Variants in ADAM23 observed in about 807,000 individuals in gnomAD.
The protein encoded by ADAM23 is ADAM metallopeptidase domain 23, also known as disintegrin and metalloproteinase domain-containing protein 23.
A neutral mutation model predicts 120.1 loss-of-function variants in ADAM23; 33 were observed. The observed-to-expected ratio is 0.27, with a 90% CI of 0.21 to 0.37. The LOEUF (loss-of-function observed/expected upper bound fraction) is 0.37, where lower values mean the gene tolerates loss of function less well. Among genes scored for constraint, ADAM23 ranks in the 10% least tolerant of loss-of-function variants. The pLI is 1.00. For missense variants in ADAM23, 862 were observed against 1,058.2 expected, an observed-to-expected ratio of 0.81 and a Z score of 2.57; for synonymous variants, 367 against 375.2, an observed-to-expected ratio of 0.98 and a Z score of 0.25.
At chr2:206,444,998 ACCC>A (rs10557523) in intron 1 of ADAM23, among the ~76,000 whole-genome samples, 304 of 146,002 alleles carry the variant, frequency 2.1e-3, no homozygotes, top group Non-Finnish European at 3.4e-3. Flanking sequence ...AGTTCATTCT[ACCC>A]CCCCCCCAAC....
chr2:206,545,972 G>A (rs1366043726), intron 6 of ADAM23, among the ~76,000 whole-genome samples: 1 of 151,990 alleles, frequency 6.6e-6, no homozygotes, highest in African/African-American at 2.4e-5. Context: ...TTCATAGTAG[G>A]GCAATTTTGT....
intron 1 of ADAM23, 116 bp downstream of exon 1, chr2:206,444,196 C>G (rs989391454): frequency 2.6e-6 from 2 of 772,956 alleles, no homozygotes; most frequent in Non-Finnish European, 3.5e-6. Context: ...CTTTCCTTCC[C>G]TCCCTGCCTG....
intron 24 of ADAM23, among the ~76,000 whole-genome samples, chr2:206,601,826 C>T (rs375780498): frequency 6.7e-6 from 1 of 149,014 alleles, no homozygotes; most frequent in South Asian, 2.1e-4. Flanking sequence ...TCTCATAGCA[C>T]AATAGTAAAC....
At chr2:206,586,557 G>A (rs1191763074) in intron 18 of ADAM23, among the ~76,000 whole-genome samples, 2 of 152,092 alleles carry the variant, frequency 1.3e-5, no homozygotes, top group Admixed American at 6.6e-5. Context: ...ACTGAGGGAG[G>A]ACCTCAGTGC....
rs368777911 is a variant in ADAM23 at position 206,573,203 on chromosome 2, G to A, written c.1737+8G>A. On this transcript the variant is annotated splice_region_variant and intron_variant, in intron 18 of 25. Transcript: ENST00000264377. ...ACTGGAGACTCTGGTCAGGTATGGC[G>A]CACTGAGTTTTTGGTAATACATTTT... The A allele has an allele frequency of 1.2e-5, 20 of 1,613,162 alleles. No individual in the cohort carries two copies. In the East Asian group the frequency reaches 1.3e-4, roughly 11 times the overall value.
At chr2:206,557,213 A>G (rs1697663221) in intron 9 of ADAM23, among the ~76,000 whole-genome samples, 1 of 152,158 alleles carries the variant, frequency 6.6e-6, no homozygotes, top group South Asian at 2.1e-4. Context: ...TACAGTTGTG[A>G]GCCATGCTGC....
At chr2:206,464,077 G>A (rs746500657) in intron 2 of ADAM23, among the ~76,000 whole-genome samples, 2 of 152,178 alleles carry the variant, frequency 1.3e-5, no homozygotes, top group Non-Finnish European at 2.9e-5. Context: ...GGATACATAT[G>A]AGCTCATTTG....
chr2:206,543,056 C>G (rs1697324975), intron 5 of ADAM23, among the ~76,000 whole-genome samples, 197 bp from the exon 6 acceptor site: 1 of 152,128 alleles, frequency 6.6e-6, no homozygotes, highest in Admixed American at 6.6e-5. Context: ...ATTTTTATAG[C>G]CTCCATGCTG....
At chr2:206,525,712 C>A (rs1300664111) in intron 3 of ADAM23, among the ~76,000 whole-genome samples, 1 of 152,018 alleles carries the variant, frequency 6.6e-6, no homozygotes, top group African/African-American at 2.4e-5. Context: ...CTGCCTCAGC[C>A]TCCTGAGTAG....
intron 3 of ADAM23, among the ~76,000 whole-genome samples, chr2:206,482,101 T>TA (rs1354469200): frequency 6.6e-6 from 1 of 152,228 alleles, no homozygotes; most frequent in African/African-American, 2.4e-5. Flanking sequence ...CACTATAATG[T>TA]AAGTGACCAC....
chr2:206,493,738 A>G (rs916134648), intron 3 of ADAM23, among the ~76,000 whole-genome samples: 1 of 152,262 alleles, frequency 6.6e-6, no homozygotes, highest in Non-Finnish European at 1.5e-5. Flanking sequence ...AATTACAAAT[A>G]TATTTTTCCA....
intron 24 of ADAM23, chr2:206,605,645 G>A (rs1698714570): frequency 6.3e-6 from 4 of 636,032 alleles, no homozygotes; most frequent in African/African-American, 1.8e-5. Flanking sequence ...CAATGTGTAT[G>A]TAGATCTTAA....
intron 24 of ADAM23, chr2:206,607,209 A>G (rs1163957090): frequency 6.6e-6 from 1 of 152,228 alleles, no homozygotes; most frequent in African/African-American, 2.4e-5. Context: ...TAGAAATACT[A>G]GAAAAGAGAT....
chr2:206,452,378 C>G (rs1056389180), intron 2 of ADAM23, among the ~76,000 whole-genome samples: 1 of 152,218 alleles, frequency 6.6e-6, no homozygotes, highest in Non-Finnish European at 1.5e-5. Context: ...GCATGTGTCC[C>G]TAAATAATGC....
chr2:206,608,433 A>G (rs1698769206), intron 24 of ADAM23, among the ~76,000 whole-genome samples: 1 of 152,220 alleles, frequency 6.6e-6, no homozygotes, highest in Non-Finnish European at 1.5e-5. Context: ...AAACAAGGAT[A>G]GTCATAGTTC....
chr2:206,495,493 G>A (rs1436079503), intron 3 of ADAM23, among the ~76,000 whole-genome samples: 3 of 152,174 alleles, frequency 2.0e-5, no homozygotes, highest in African/African-American at 7.2e-5. Flanking sequence ...AAGAGCTCCT[G>A]AAGGAAGCAC....
Position 206,445,489 on chromosome 2 carries a change from G to T in ADAM23, c.397G>T (p.Asp133Tyr), listed in dbSNP as rs780035794. 2 of 1,614,018 alleles carry T rather than the reference G, an allele frequency of 1.2e-6. No individual in the cohort carries two copies. The highest frequency in any genetic ancestry group is 1.7e-5 in the Admixed American group (1 of 60,012). Reference protein sequence around the residue: ...QDSESPYHVLDTKARHQQKHN... With the variant: ...QDSESPYHVLYTKARHQQKHN... Reference sequence around the variant, plus strand: ...CTCGGAAAGCCCTTATCACGTTCTTGACACAAAGGCAAGACACCAGCAAAA... The same window carrying T: ...CTCGGAAAGCCCTTATCACGTTCTTTACACAAAGGCAAGACACCAGCAAAA... The change falls in exon 2 of 26, where the codon GAC (aspartate) becomes TAC (tyrosine). Residue 133 changes from aspartate (D) to tyrosine (Y), a missense_variant. Asp to Tyr is a radical substitution (Grantham distance 160). Transcript: ENST00000264377.
intron 9 of ADAM23, 117 bp from the exon 10 acceptor site, chr2:206,557,310 T>G: frequency 1.2e-6 from 1 of 865,050 alleles, no homozygotes; most frequent in Non-Finnish European, 1.9e-6. Context: ...ACAAACTAAA[T>G]TATATATTTT....
rs576718342 is a variant in ADAM23, at chr2:206,486,479, G to A, written c.509+5171G>A. 8.5e-5 allele frequency among the ~76,000 whole-genome samples: 13 copies of A among 152,126 alleles called. No individual in the cohort carries two copies. In the South Asian group the frequency reaches 2.3e-3, roughly 27 times the overall value. Reference sequence around the variant, plus strand: ...TCCTTGGAAGTCTCAGAAGGTCTGAGGATTGATTGTCTCTTCTCTGTGTGT... The same window carrying A: ...TCCTTGGAAGTCTCAGAAGGTCTGAAGATTGATTGTCTCTTCTCTGTGTGT... On this transcript the variant is annotated intron_variant, in intron 3 of 25. Coordinates refer to ENST00000264377, the MANE Select transcript of ADAM23 (RefSeq NM_003812.4).
Sources: gnomAD v4.1 joint callset for allele counts (sites outside exome capture counted in the v4.1 genomes callset) on GRCh38, gnomAD v4.1.1 for gene constraint, MANE v1.5 for transcripts, NCBI Gene and HGNC (gene_info 2026-07-23, HGNC 2026-07-21) for gene names.